Variants in STAG3 observed in about 807,000 individuals in gnomAD.
STAG3 encodes the protein STAG3 cohesin complex component.
Under a neutral mutation model 160.7 loss-of-function variants are expected in STAG3, and 101 were observed. The ratio of observed to expected loss-of-function variants is 0.63; its 90% CI spans 0.54 to 0.74. STAG3 has a LOEUF of 0.74. STAG3 is among the 30% of genes least tolerant of loss of function. The pLI is 0.00. For missense variants in STAG3, 1,188 were observed against 1,517.4 expected, an observed-to-expected ratio of 0.78 and a Z score of 3.61; for synonymous variants, 519 against 585.0, an observed-to-expected ratio of 0.89 and a Z score of 1.63.
Position 100,201,879 on chromosome 7 carries a change from C to G in STAG3, c.2301+13C>G. The G allele has an allele frequency of 6.2e-7, 1 of 1,614,078 alleles. No homozygotes were observed. The highest frequency in any genetic ancestry group is 8.5e-7 in the Non-Finnish European group (1 of 1,179,942). ...AGATGCTTCCCAGGTGAGTGTGGGTCTTAGATGGGATAATGGGAACAGAGG... is the reference window on the plus strand; with the variant it reads ...AGATGCTTCCCAGGTGAGTGTGGGTGTTAGATGGGATAATGGGAACAGAGG... On this transcript the variant is annotated intron_variant, in intron 22 of 33. Transcript: ENST00000615138.
rs765562173 is a variant in STAG3, at chr7:100,210,977, T to TG, written c.3239-31dup. On this transcript the variant is annotated intron_variant, in intron 29 of 33. Coordinates refer to ENST00000615138, the MANE Select transcript of STAG3 (RefSeq NM_001282717.2). The stretch of plus-strand genomic sequence containing the variant: ...AAGAGAGCACACCTGTCGCAGGCCC[T>TG]GGGCTGTGGTTAATGTATGCATCTG... The TG allele has an allele frequency of 1.9e-6, 3 of 1,601,522 alleles. No homozygotes were observed. In the African/African-American group the frequency reaches 4.0e-5, roughly 22 times the overall value.
At chr7:100,198,721 C>A in intron 13 of STAG3, 122 bp from the exon 14 acceptor site, 4 of 1,226,644 alleles carry the variant, frequency 3.3e-6, no homozygotes, top group Non-Finnish European at 4.8e-6. Context: ...CTCCTTGGGG[C>A]TTTCCTTAGC....
Position 100,204,921 on chromosome 7 carries a change from G to A in STAG3, c.2952-84G>A, listed in dbSNP as rs1801494753. 9 of 1,575,536 alleles carry A rather than the reference G, an allele frequency of 5.7e-6. No individual in the cohort carries two copies. The South Asian group carries it at 1.1e-4, about 19-fold the overall frequency. On this transcript the variant is annotated intron_variant, in intron 27 of 33. Coordinates refer to ENST00000615138, the MANE Select transcript of STAG3 (RefSeq NM_001282717.2). ...TTTGGAGACAAGCTGGGGACGGGGGGAGGGTGCATTTGGACAGGATAGCTC... is the reference window on the plus strand; with the variant it reads ...TTTGGAGACAAGCTGGGGACGGGGGAAGGGTGCATTTGGACAGGATAGCTC...
rs1441379354 is a variant in STAG3 at position 100,197,505 on chromosome 7, G to C, written c.1065+226G>C. The C allele has an allele frequency of 5.7e-6, 4 of 702,352 alleles. No homozygotes were observed. The East Asian group carries it at 7.9e-5, about 14-fold the overall frequency. 43.5% of individuals were successfully genotyped at this position (702,352 alleles called of 1,614,324 possible). On this transcript the variant is annotated intron_variant, in intron 10 of 33. Transcript: ENST00000615138. ...ACTCAAAACCTGAGGTACGGGGAGA[G>C]AGACTTTCCCATGGAAGAGAGTTAT... is the stretch of plus-strand genomic sequence containing the variant.
downstream of STAG3, chr7:100,214,423 G>C: frequency 4.2e-6 from 1 of 240,012 alleles, no homozygotes; most frequent in Non-Finnish European, 8.2e-6. Flanking sequence ...AACTGATGGA[G>C]GTCAGGTTCT....
chr7:100,216,383 G>C (rs1802756044), downstream of STAG3, among the ~76,000 whole-genome samples: 1 of 152,060 alleles, frequency 6.6e-6, no homozygotes, highest in African/African-American at 2.4e-5. Context: ...GACGAAATAA[G>C]TGTTTTAAAA....
chr7:100,188,340 C>G (rs773365324), intron 5 of STAG3, 113 bp from the exon 6 acceptor site: 2 of 806,524 alleles, frequency 2.5e-6, no homozygotes, highest in Non-Finnish European at 4.5e-6. Flanking sequence ...TCTTCTCATT[C>G]CCCACCTAAG....
At chr7:100,215,679 T>A (rs1039929789), downstream of STAG3, among the ~76,000 whole-genome samples, 6 of 152,272 alleles carry the variant, frequency 3.9e-5, no homozygotes, top group Middle Eastern at 3.4e-3. Flanking sequence ...GACACCTGTG[T>A]ACAGCCAGGC....
chr7:100,204,668 G>C lies in STAG3; in HGVS notation c.2844G>C (p.Leu948=), dbSNP rs1252633030. ...ELLQEHGPQG[L]NELPAFIEMR... The stretch of plus-strand genomic sequence containing the variant: ...TGCAGGAGCATGGGCCCCAGGGCCT[G>C]AATGAGCTTCCTGCCTTCATCGAGA... Residue 948 remains leucine (L), a synonymous_variant, in exon 27 of 34, where the codon CTG becomes CTC. Transcript: ENST00000615138. 2 of 1,614,204 alleles carry C rather than the reference G, an allele frequency of 1.2e-6. No individual in the cohort carries two copies. The highest frequency in any genetic ancestry group is 4.5e-5 in the East Asian group (2 of 44,874).
At chr7:100,201,534 T>G (rs1021795610) in intron 21 of STAG3, 183 bp downstream of exon 21, 38 of 641,584 alleles carry the variant, frequency 5.9e-5, no homozygotes, top group Non-Finnish European at 7.8e-5. Context: ...TTCCAGGGTC[T>G]TCTTGGATTT....
chr7:100,200,301 C>G lies in STAG3; in HGVS notation c.1743C>G (p.Ile581Met). Reference protein sequence around the residue: ...DDRVKLTEHLIPLLPQLLAKF... With the variant: ...DDRVKLTEHLMPLLPQLLAKF... ...GGGTGAAGTTGACTGAGCACCTCAT[C>G]CCCCTGCTGCCCCAGCTCCTGGCCA... Residue 581 changes from isoleucine to methionine, a missense_variant, in exon 17 of 34, where the codon ATC (isoleucine) becomes ATG (methionine). Transcript: ENST00000615138. 6.2e-7 allele frequency: 1 copy of G among 1,613,784 alleles called. No individual in the cohort carries two copies. Among genetic ancestry groups the G allele is most frequent in the Non-Finnish European group, 8.5e-7 (1 of 1,179,918 alleles).
At chr7:100,186,394 A>T in intron 5 of STAG3, 98 bp downstream of exon 5, 1 of 1,163,650 alleles carries the variant, frequency 8.6e-7, no homozygotes, top group Non-Finnish European at 1.3e-6. Flanking sequence ...CATTTCCTAA[A>T]TAAAGGAAGA....
At chr7:100,210,874 C>T in intron 29 of STAG3, 137 bp from the exon 30 acceptor site, 1 of 917,202 alleles carries the variant, frequency 1.1e-6, no homozygotes, top group Non-Finnish European at 1.7e-6. Context: ...CATTTGAGGG[C>T]AACAGAATGA....
At chr7:100,217,284 G>C (rs1204574046), downstream of STAG3, among the ~76,000 whole-genome samples, 1 of 152,226 alleles carries the variant, frequency 6.6e-6, no homozygotes. Context: ...CAAGCCCCCT[G>C]CTGGCCGTCC....
chr7:100,213,674 T>A, intron 32 of STAG3, 61 bp from the exon 33 acceptor site: 1 of 1,612,644 alleles, frequency 6.2e-7, no homozygotes. Context: ...CTGGTTTTTT[T>A]ATTTGCGAAG....
intron 3 of STAG3, among the ~76,000 whole-genome samples, 200 bp downstream of exon 3, chr7:100,182,392 G>A (rs1799706188): frequency 6.6e-6 from 1 of 152,088 alleles, no homozygotes. Context: ...CCTAAAAGAG[G>A]TTCAGGTGAT....
chr7:100,213,185 C>G, intron 32 of STAG3: 1 of 422,658 alleles, frequency 2.4e-6, no homozygotes, highest in Non-Finnish European at 3.2e-6. Flanking sequence ...GAAGGGCATT[C>G]ATCCATCCAT....
At chr7:100,201,043 G>C in intron 19 of STAG3, 47 bp from the exon 20 acceptor site, 2 of 1,614,094 alleles carry the variant, frequency 1.2e-6, no homozygotes, top group Non-Finnish European at 1.7e-6. Context: ...GATGTGGACT[G>C]ATGAGTTCTG....
Position 100,180,579 on chromosome 7 carries a change from C to T in STAG3, c.23C>T (p.Ala8Val), listed in dbSNP as rs185880189. 1.7e-5 allele frequency: 28 copies of T among 1,612,204 alleles called. No homozygotes were observed. Among genetic ancestry groups the T allele is most frequent in the South Asian group, 5.5e-5 (5 of 91,062 alleles). Residue 8 changes from alanine (A) to valine (V), a missense_variant, in exon 2 of 34, where the codon GCT becomes GTT. Ala to Val is a moderately conservative substitution (Grantham distance 64). Around this residue, in one of 4 missense-constraint regions of STAG3, gnomAD observed 296 missense variants for 404.0 expected, o/e 0.73. Coordinates refer to ENST00000615138, the MANE Select transcript of STAG3 (RefSeq NM_001282717.2). ...AGCATGTCTTCCCCGTTGCAAAGAG[C>T]TGTGGGAGATACCAAGAGGGCCTTG... MSSPLQR[A>V]VGDTKRALSA...
Sources: allele counts gnomAD v4.1 joint callset (sites outside exome capture counted in the v4.1 genomes callset), GRCh38; gene constraint gnomAD v4.1.1; regional missense constraint gnomAD v4.1.1; transcripts MANE v1.5; gene names NCBI Gene and HGNC (gene_info 2026-07-23, HGNC 2026-07-21).